The following ABCC8 variants were observed in gnomAD, a reference collection of about 807,000 sequenced individuals.
ABCC8 encodes ATP binding cassette subfamily C member 8.
A neutral mutation model predicts 188.0 loss-of-function variants in ABCC8; 137 were observed. That is an observed-to-expected ratio of 0.73 (90% CI 0.63 to 0.84). ABCC8 has a LOEUF of 0.84. Ranked by LOEUF, ABCC8 falls within the 40% of genes least tolerant of loss-of-function variation. The probability of loss-of-function intolerance (pLI) is 0.00; values close to 1 mark genes in which losing one functional copy is unlikely to be tolerated. For missense variants in ABCC8, 1,750 were observed against 2,072.7 expected, an observed-to-expected ratio of 0.84 and a Z score of 3.02; for synonymous variants, 797 against 846.5, an observed-to-expected ratio of 0.94 and a Z score of 1.01.
intron 8 of ABCC8, among the ~76,000 whole-genome samples, chr11:17,447,919 T>C (rs4459286): frequency 0.38 from 57,178 of 152,092 alleles, 10,827 homozygotes; most frequent in Middle Eastern, 0.53. Context: ...TCCAATTCTT[T>C]TTCATGTGTG....
chr11:17,435,859 G>A lies in ABCC8; in HGVS notation c.1631-3615C>T, dbSNP rs78632482. 8.9e-6 allele frequency: 11 copies of A among 1,240,922 alleles called. 1 individual carries two copies. The highest frequency in any genetic ancestry group is 5.1e-5 in the Admixed American group (3 of 59,342). 76.9% of individuals were successfully genotyped at this position (1,240,922 alleles called of 1,614,324 possible). On this transcript the variant is annotated intron_variant, in intron 10 of 38. Coordinates refer to ENST00000389817, the MANE Select transcript of ABCC8 (RefSeq NM_000352.6). ...AGCTGTGTGGATCAGTGCTGGCCCCGGACACAGGGACTTCACGCATTCCAA... is the reference window on the plus strand; with the variant it reads ...AGCTGTGTGGATCAGTGCTGGCCCCAGACACAGGGACTTCACGCATTCCAA...
intron 4 of ABCC8, among the ~76,000 whole-genome samples, chr11:17,463,010 CTG>C (rs1001194368): frequency 6.6e-6 from 1 of 152,052 alleles, no homozygotes; most frequent in African/African-American, 2.4e-5. Flanking sequence ...AGGTTGGAGT[CTG>C]GGGTGAGGAA....
intron 38 of ABCC8, 136 bp downstream of exon 38, chr11:17,393,561 C>T: frequency 1.4e-6 from 2 of 1,413,978 alleles, no homozygotes; most frequent in Non-Finnish European, 2.0e-6. Flanking sequence ...AGGCCCCTTG[C>T]CCTGAACTGC....
intron 1 of ABCC8, 135 bp from the exon 2 acceptor site, chr11:17,475,162 G>A (rs1848692470): frequency 7.3e-7 from 1 of 1,361,432 alleles, no homozygotes; most frequent in Non-Finnish European, 1.0e-6. Flanking sequence ...CCCAAGGCTG[G>A]TACACACAAA....
intron 16 of ABCC8, among the ~76,000 whole-genome samples, chr11:17,422,113 G>A (rs1399891581): frequency 2.0e-5 from 3 of 152,230 alleles, no homozygotes; most frequent in Non-Finnish European, 2.9e-5. Context: ...TGTCTGAGGT[G>A]TGGAGTTCCT....
At chr11:17,470,809 GTC>G (rs747393297) in intron 2 of ABCC8, among the ~76,000 whole-genome samples, 11 of 152,180 alleles carry the variant, frequency 7.2e-5, no homozygotes, top group Non-Finnish European at 1.6e-4. Context: ...CCAGCTCATA[GTC>G]TCTCCACCTT....
At chr11:17,414,447 TG>T in intron 19 of ABCC8, 64 bp downstream of exon 19, 2 of 1,596,202 alleles carry the variant, frequency 1.3e-6, no homozygotes, top group South Asian at 1.1e-5. Flanking sequence ...GGCCCGGAAC[TG>T]GGGCAGGCTG....
chr11:17,396,388 G>A (rs1564876335), intron 33 of ABCC8: 1 of 322,640 alleles, frequency 3.1e-6, no homozygotes. Flanking sequence ...GAGACAGATA[G>A]TGACATAGAA....
In ABCC8 at chr11:17,470,162, A is replaced by G. The variant is rs779259385; in HGVS notation, c.351T>C (p.Ala117=). The G allele has an allele frequency of 1.9e-6, 3 of 1,614,202 alleles. No individual in the cohort carries two copies. Among genetic ancestry groups the G allele is most frequent in the East Asian group, 4.5e-5 (2 of 44,870 alleles). ...YMPAGMAFMA[A]VTSVVYYHNI... ...TGTGATAGTAGACCACGGAGGTGAC[A>G]GCAGCCATGAACGCCATCCCGGCTG... Residue 117 remains alanine, a synonymous_variant, in exon 3 of 39, where the codon GCT becomes GCC. Coordinates refer to ENST00000389817, the MANE Select transcript of ABCC8 (RefSeq NM_000352.6).
intron 8 of ABCC8, among the ~76,000 whole-genome samples, chr11:17,445,522 T>C (rs1426106382): frequency 6.6e-6 from 1 of 152,234 alleles, no homozygotes; most frequent in African/African-American, 2.4e-5. Flanking sequence ...ACAAGAGCCC[T>C]CAGGGCTTAC....
chr11:17,420,608 T>C (rs1955296156), intron 16 of ABCC8, among the ~76,000 whole-genome samples: 1 of 152,172 alleles, frequency 6.6e-6, no homozygotes, highest in Non-Finnish European at 1.5e-5. Flanking sequence ...TCAGGGCTCT[T>C]GGCAGGCAGC....
chr11:17,396,031 G>A (rs1445110048), intron 33 of ABCC8, 101 bp from the exon 34 acceptor site: 32 of 1,535,462 alleles, frequency 2.1e-5, no homozygotes, highest in Non-Finnish European at 2.6e-5. Context: ...GAGGTCACAG[G>A]GTATCTTTTT....
chr11:17,396,056 A>C, intron 33 of ABCC8, 126 bp from the exon 34 acceptor site: 1 of 1,521,430 alleles, frequency 6.6e-7, no homozygotes, highest in Non-Finnish European at 8.8e-7. Context: ...TGGTTTTCTG[A>C]CTAGTTTCTC....
At chr11:17,396,779 G>C in intron 33 of ABCC8, 137 bp downstream of exon 33, 1 of 1,123,150 alleles carries the variant, frequency 8.9e-7, no homozygotes, top group Non-Finnish European at 1.3e-6. Flanking sequence ...CCCAGGGCAG[G>C]AGACTGCGAT....
At position 17,428,411 on chromosome 11, in the gene ABCC8, G is replaced by A. The variant is rs909796311; in HGVS notation, c.1924-6C>T. Reference sequence around the variant, plus strand: ...CGGTTCACAACCCTGAGGGGCTGGGGGTGGTTTGGAGGTGAGGACCCACTG... The same window carrying A: ...CGGTTCACAACCCTGAGGGGCTGGGAGTGGTTTGGAGGTGAGGACCCACTG... On this transcript the variant is annotated splice_polypyrimidine_tract_variant and splice_region_variant and intron_variant, in intron 13 of 38. Coordinates refer to ENST00000389817, the MANE Select transcript of ABCC8 (RefSeq NM_000352.6). 55 of 1,612,130 alleles carry A rather than the reference G, an allele frequency of 3.4e-5. No individual in the cohort carries two copies. Among genetic ancestry groups the A allele is most frequent in the Non-Finnish European group, 4.7e-5 (55 of 1,178,634 alleles).
Position 17,430,876 on chromosome 11 carries a change from G to T in ABCC8, c.1755C>A (p.Ile585=), listed in dbSNP as rs753888897. 2 of 1,614,256 alleles carry T rather than the reference G, an allele frequency of 1.2e-6. No individual in the cohort carries two copies. The highest frequency in any genetic ancestry group is 1.7e-6 in the Non-Finnish European group (2 of 1,180,044). ...VAFASLSLFH[I]LVTPLFLLSS... is the part of the protein sequence containing the mutation. ...ACAGCAGGAACAGCGGTGTGACCAA[G>T]ATATGGAAGAGGGAGAGGGAGGCAA... The change falls in exon 12 of 39, where the codon ATC becomes ATA. Residue 585 remains isoleucine (I), a synonymous_variant. Transcript: ENST00000389817.
intron 1 of ABCC8, among the ~76,000 whole-genome samples, chr11:17,475,997 T>A (rs1848746596): frequency 6.6e-6 from 1 of 152,196 alleles, no homozygotes; most frequent in African/African-American, 2.4e-5. Flanking sequence ...GGAGCTACTT[T>A]GCGCAGAGCC....
At chr11:17,453,441 G>T in intron 6 of ABCC8, 158 bp from the exon 7 acceptor site, 1 of 491,712 alleles carries the variant, frequency 2.0e-6, no homozygotes, top group Non-Finnish European at 2.6e-6. Flanking sequence ...AAATCAGACT[G>T]ATAAATCCAA....
At chr11:17,409,445 A>C (rs754210839) in intron 22 of ABCC8, among the ~76,000 whole-genome samples, 3 of 152,194 alleles carry the variant, frequency 2.0e-5, no homozygotes, top group Admixed American at 1.3e-4. Flanking sequence ...CCTGAACTAC[A>C]AGGTATTGCC....
Sources: allele counts gnomAD v4.1 joint callset (sites outside exome capture counted in the v4.1 genomes callset), GRCh38; gene constraint gnomAD v4.1.1; transcripts MANE v1.5; gene names NCBI Gene and HGNC (gene_info 2026-07-23, HGNC 2026-07-21).